The following SLC39A8 variants were observed in gnomAD, a reference collection of about 807,000 sequenced individuals.
SLC39A8 encodes solute carrier family 39 member 8, also known as metal cation symporter ZIP8.
SLC39A8 carries 15 observed loss-of-function variants against 40.4 expected under a neutral mutation model. The ratio of observed to expected loss-of-function variants is 0.37; its 90% confidence interval spans 0.25 to 0.57. SLC39A8 has a LOEUF of 0.57. Ranked by LOEUF, SLC39A8 falls within the 20% of genes least tolerant of loss-of-function variation. SLC39A8 has a pLI of 0.75. For missense variants in SLC39A8, 472 were observed against 558.8 expected, an observed-to-expected ratio of 0.84 and a Z score of 1.57; for synonymous variants, 223 against 221.6, an observed-to-expected ratio of 1.01 and a Z score of -0.06.
intron 6 of SLC39A8, among the ~76,000 whole-genome samples, chr4:102,295,848 T>C (rs1271477063): frequency 2.0e-5 from 3 of 152,094 alleles, no homozygotes; most frequent in African/African-American, 7.2e-5. Context: ...AGCTATCAAA[T>C]AAAATGCTTT....
intron 8 of SLC39A8, among the ~76,000 whole-genome samples, 158 bp from the exon 9 acceptor site, chr4:102,263,351 T>G (rs1731952385): frequency 6.6e-6 from 1 of 152,206 alleles, no homozygotes; most frequent in Non-Finnish European, 1.5e-5. Flanking sequence ...ATTCCCAGGT[T>G]TCCCAGTGCA....
At chr4:102,286,829 T>C (rs1477424001) in intron 6 of SLC39A8, among the ~76,000 whole-genome samples, 1 of 152,188 alleles carries the variant, frequency 6.6e-6, no homozygotes, top group African/African-American at 2.4e-5. Flanking sequence ...CTCAACTCAC[T>C]ACAAGTTGTT....
At position 102,344,838 on chromosome 4, in the gene SLC39A8, C is replaced by T. The variant is rs1578638329; in HGVS notation, c.-176G>A. 2.3e-6 allele frequency: 3 copies of T among 1,316,866 alleles called. No homozygotes were observed. In the East Asian group the frequency reaches 9.5e-5, roughly 42 times the overall value. 81.6% of individuals were successfully genotyped at this position (1,316,866 alleles called of 1,614,324 possible). On this transcript the variant is annotated 5_prime_UTR_variant, in exon 2 of 9. Coordinates refer to ENST00000356736, the MANE Select transcript of SLC39A8 (RefSeq NM_001135146.2). ...ACGCCTTCGAAAGAACAGCAGCTCG[C>T]GACCTGCGGGGCATTGAAGTGGCAG...
intron 2 of SLC39A8, among the ~76,000 whole-genome samples, chr4:102,338,130 C>T (rs1442388534): frequency 1.3e-5 from 2 of 150,932 alleles, no homozygotes; most frequent in Admixed American, 6.6e-5. Flanking sequence ...TGTCTGCTTT[C>T]GTGATTACTG....
chr4:102,278,250 C>G (rs1316508005), intron 6 of SLC39A8, among the ~76,000 whole-genome samples: 2 of 152,064 alleles, frequency 1.3e-5, no homozygotes, highest in African/African-American at 4.8e-5. Flanking sequence ...TGACAAAGGG[C>G]TAATATCCAG....
intron 2 of SLC39A8, among the ~76,000 whole-genome samples, chr4:102,338,556 T>C (rs1735779443): frequency 6.6e-6 from 1 of 152,318 alleles, no homozygotes; most frequent in Non-Finnish European, 1.5e-5. Flanking sequence ...CCTCCACAGC[T>C]CTAGTACCAT....
intron 6 of SLC39A8, among the ~76,000 whole-genome samples, chr4:102,303,205 G>A (rs1453388319): frequency 6.6e-6 from 1 of 151,870 alleles, no homozygotes; most frequent in Non-Finnish European, 1.5e-5. Context: ...AGTAAACCTG[G>A]AGGGGTTATT....
At chr4:102,291,412 T>C (rs947169913) in intron 6 of SLC39A8, among the ~76,000 whole-genome samples, 2 of 152,016 alleles carry the variant, frequency 1.3e-5, no homozygotes, top group African/African-American at 4.8e-5. Context: ...CCATGGCAGA[T>C]CTTCCCAATC....
At position 102,288,479 on chromosome 4, in the gene SLC39A8, A is replaced by G. The variant is rs116243609; in HGVS notation, c.840+15838T>C. On this transcript the variant is annotated intron_variant, in intron 6 of 8. Coordinates refer to ENST00000356736, the MANE Select transcript of SLC39A8 (RefSeq NM_001135146.2). ...TAAAATGGCCTCTATGTGATCAGGTAAAAGGAGAATTGCATGTCTCTCACT... is the reference window on the plus strand; with the variant it reads ...TAAAATGGCCTCTATGTGATCAGGTGAAAGGAGAATTGCATGTCTCTCACT... Among the ~76,000 whole-genome samples the G allele has an allele frequency of 3.8e-3, 578 of 152,182 alleles. 1 individual carries two copies. Among genetic ancestry groups the G allele is most frequent in the African/African-American group, 0.013 (552 of 41,518 alleles).
intron 6 of SLC39A8, among the ~76,000 whole-genome samples, chr4:102,290,058 A>C (rs907390064): frequency 2.6e-5 from 4 of 152,160 alleles, no homozygotes; most frequent in Middle Eastern, 3.2e-3. Context: ...TCGATGTTGC[A>C]AACTTCATTG....
At chr4:102,327,077 T>C (rs1254690872) in intron 2 of SLC39A8, among the ~76,000 whole-genome samples, 1 of 151,532 alleles carries the variant, frequency 6.6e-6, no homozygotes, top group Non-Finnish European at 1.5e-5. Context: ...AGCCCAGGAG[T>C]TCAAAACCAG....
At chr4:102,305,914 C>A (rs1248416316) in intron 4 of SLC39A8, among the ~76,000 whole-genome samples, 1 of 151,982 alleles carries the variant, frequency 6.6e-6, no homozygotes, top group Non-Finnish European at 1.5e-5. Flanking sequence ...CCCTCTGAAG[C>A]AGAATAGAAG....
At chr4:102,259,895 G>T (rs999219053), downstream of SLC39A8, among the ~76,000 whole-genome samples, 5 of 152,180 alleles carry the variant, frequency 3.3e-5, no homozygotes, top group Non-Finnish European at 7.3e-5. Context: ...GTAATCAGAA[G>T]AGCTTTAAAC....
At chr4:102,293,389 C>A (rs1446624752) in intron 6 of SLC39A8, among the ~76,000 whole-genome samples, 1 of 151,930 alleles carries the variant, frequency 6.6e-6, no homozygotes. Context: ...CGAGCCCTTG[C>A]CAATAAAACA....
At position 102,344,710 on chromosome 4, in the gene SLC39A8, A is replaced by C. The variant is rs1050454945; in HGVS notation, c.-48T>G. The C allele has an allele frequency of 1.8e-5, 25 of 1,384,050 alleles. No homozygotes were observed. The highest frequency in any genetic ancestry group is 2.0e-5 in the Non-Finnish European group (22 of 1,077,024). The allele number at this position is 1,384,050 out of a possible 1,614,324, so 85.7% of individuals were successfully genotyped here. ...GGGCCCGCGACGGGCTGCCGCGCAG[A>C]GGGACGCGCGCGGGCGCACTGGCGT... On this transcript the variant is annotated 5_prime_UTR_variant, in exon 2 of 9. Transcript: ENST00000356736.
chr4:102,253,369 A>C, exon 12 of SLC39A8: 1 of 711,234 alleles, frequency 1.4e-6, no homozygotes. Flanking sequence ...TCACTGTTGA[A>C]GGTGCTGGTA....
intron 2 of SLC39A8, among the ~76,000 whole-genome samples, chr4:102,337,136 T>G (rs1200001462): frequency 1.3e-5 from 2 of 151,956 alleles, no homozygotes; most frequent in Non-Finnish European, 2.9e-5. Context: ...TGAGGATCAC[T>G]GATCCTTCTC....
At chr4:102,300,149 G>A (rs999757159) in intron 6 of SLC39A8, among the ~76,000 whole-genome samples, 9 of 151,956 alleles carry the variant, frequency 5.9e-5, no homozygotes, top group Non-Finnish European at 1.0e-4. Context: ...GTGCCCACAC[G>A]CATGCCACAT....
chr4:102,309,962 C>T (rs1734352273), intron 3 of SLC39A8, among the ~76,000 whole-genome samples: 2 of 152,116 alleles, frequency 1.3e-5, no homozygotes, highest in Non-Finnish European at 2.9e-5. Flanking sequence ...TATAACATGA[C>T]AGTTATCGAT....
Sources: gnomAD v4.1 joint callset for allele counts (sites outside exome capture counted in the v4.1 genomes callset) on GRCh38, gnomAD v4.1.1 for gene constraint, MANE v1.5 for transcripts, NCBI Gene and HGNC (gene_info 2026-07-23, HGNC 2026-07-21) for gene names.